EPHB2: variants seen among roughly 807,000 people sequenced by gnomAD.
EPHB2 encodes the protein ephrin type-B receptor 2.
A neutral mutation model predicts 96.4 loss-of-function variants in EPHB2; 18 were observed. The ratio of observed to expected loss-of-function variants is 0.19; its 90% CI spans 0.13 to 0.28. The LOEUF is 0.28. EPHB2 is among the 10% of genes least tolerant of loss of function. The probability of loss-of-function intolerance (pLI) is 1.00; values close to 1 mark genes in which losing one functional copy is unlikely to be tolerated. For missense variants in EPHB2, 989 were observed against 1,355.4 expected, an observed-to-expected ratio of 0.73 and a Z score of 4.25; for synonymous variants, 506 against 534.1, an observed-to-expected ratio of 0.95 and a Z score of 0.72.
intron 7 of EPHB2, among the ~76,000 whole-genome samples, chr1:22,893,757 C>G (rs751502800): frequency 6.6e-6 from 1 of 152,232 alleles, no homozygotes; most frequent in Non-Finnish European, 1.5e-5. Context: ...TTATCACTAT[C>G]ATTATCAAAC....
intron 1 of EPHB2, among the ~76,000 whole-genome samples, chr1:22,716,039 C>A (rs1643286687): frequency 6.6e-6 from 1 of 152,292 alleles, no homozygotes; most frequent in Non-Finnish European, 1.5e-5. Flanking sequence ...TTCAGTGTCT[C>A]CCCTAACCCA....
At position 22,919,327 on chromosome 1, in the gene EPHB2, A is replaced by G. The variant is rs1282509628; in HGVS notation, c.*5757A>G. 1 of 152,272 alleles carries G rather than the reference A, an allele frequency of 6.6e-6. No homozygotes were observed. The allele number at this position is 152,272 out of a possible 1,614,324, so 9.4% of individuals were successfully genotyped here. A position where few individuals can be genotyped will look rare whatever the true frequency, so the allele number is the denominator to read the frequency against. ...AGCTGACCCTCAGGAATGTGCCCAG[A>G]CAGAGCTAAGCTTTCAGGAAAATTA... On this transcript the variant is annotated 3_prime_UTR_variant, in exon 16 of 16. Transcript: ENST00000374630.
Position 22,919,297 on chromosome 1 carries a change from G to A in EPHB2, c.*5727G>A, listed in dbSNP as rs1341325558. 1 of 152,260 alleles carries A rather than the reference G, an allele frequency of 6.6e-6. No homozygotes were observed. The highest frequency in any genetic ancestry group is 1.5e-5 in the Non-Finnish European group (1 of 68,084). 9.4% of individuals were successfully genotyped at this position (152,260 alleles called of 1,614,324 possible). On this transcript the variant is annotated 3_prime_UTR_variant, in exon 16 of 16. Transcript: ENST00000374630. The stretch of plus-strand genomic sequence containing the variant: ...GCAGATTAGGACCCATGAAGTAGGG[G>A]GTAGAGCTGACCCTCAGGAATGTGC...
intron 1 of EPHB2, among the ~76,000 whole-genome samples, chr1:22,759,980 T>C (rs974722664): frequency 1.3e-5 from 2 of 152,130 alleles, no homozygotes; most frequent in African/African-American, 4.8e-5. Context: ...TCGCTGCCTG[T>C]CAACCTGAGG....
chr1:22,862,930 A>G (rs1638316897), intron 3 of EPHB2, 107 bp from the exon 4 acceptor site: 3 of 1,417,426 alleles, frequency 2.1e-6, no homozygotes, highest in African/African-American at 2.8e-5. Context: ...GTGGTGCTGC[A>G]TGGCCCCTCC....
chr1:22,840,072 GATGGATGGATGGATGGATGA>G (rs1274793348), intron 3 of EPHB2, among the ~76,000 whole-genome samples: 3 of 152,106 alleles, frequency 2.0e-5, no homozygotes, highest in Non-Finnish European at 2.9e-5. Context: ...CGGATATGTG[GATGGATGGATGGATGGATGA>G]ATGGATGGAT....
At chr1:22,722,160 A>ATT (rs60822303) in intron 1 of EPHB2, among the ~76,000 whole-genome samples, 2,029 of 149,630 alleles carry the variant, frequency 0.014, 41 homozygotes, top group African/African-American at 0.047. Context: ...CATGCCCAGC[A>ATT]TTTTTTTTTT....
chr1:22,779,333 C>T lies in EPHB2; in HGVS notation c.62-2088C>T, dbSNP rs552275777. 9.2e-5 allele frequency among the ~76,000 whole-genome samples: 14 copies of T among 152,328 alleles called. No homozygotes were observed. The East Asian group carries it at 2.7e-3, about 29-fold the overall frequency. On this transcript the variant is annotated intron_variant, in intron 1 of 15. Coordinates refer to ENST00000374630, the MANE Select transcript of EPHB2 (RefSeq NM_017449.5). ...CACACCCCCTCCCTGTGCCAGCCCCCAGTGCAAAGGGACACAGTGACCACA... is the reference window on the plus strand; with the variant it reads ...CACACCCCCTCCCTGTGCCAGCCCCTAGTGCAAAGGGACACAGTGACCACA...
rs1293288017 is a variant in EPHB2 at position 22,846,156 on chromosome 1, C to T, written c.812-16881C>T. The stretch of plus-strand genomic sequence containing the variant: ...GGGCGTGGCCAGGTGCGGTGGTTCA[C>T]ACCTGTAATCCTAGCAATTTGGGAG... On this transcript the variant is annotated intron_variant, in intron 3 of 15. Coordinates refer to ENST00000374630, the MANE Select transcript of EPHB2 (RefSeq NM_017449.5). This position sits in a 1 kb window ranked among gnomAD's most constrained non-coding sequence, Gnocchi z 4.3. Among the ~76,000 whole-genome samples, 1 of 152,176 alleles carries T rather than the reference C, an allele frequency of 6.6e-6. No individual in the cohort carries two copies. The highest frequency in any genetic ancestry group is 1.5e-5 in the Non-Finnish European group (1 of 68,040).
intron 14 of EPHB2, among the ~76,000 whole-genome samples, chr1:22,911,064 C>G (rs1294432853): frequency 2.6e-5 from 4 of 151,912 alleles, no homozygotes; most frequent in Non-Finnish European, 5.9e-5. Context: ...CGCTTGAACC[C>G]AGGAGGCAGA....
At position 22,863,097 on chromosome 1, in the gene EPHB2, T is replaced by C; in HGVS notation, c.872T>C (p.Ile291Thr). The C allele has an allele frequency of 6.2e-7, 1 of 1,614,150 alleles. No individual in the cohort carries two copies. Among genetic ancestry groups the C allele is most frequent in the Non-Finnish European group, 8.5e-7 (1 of 1,180,026 alleles). ...GATGAGGCCTGTACCCACTGTCCCA[T>C]CAACAGCCGGACCACTTCTGAAGGG... is the stretch of plus-strand genomic sequence containing the variant. ...QGDEACTHCP[I>T]NSRTTSEGAT... is the part of the protein sequence containing the mutation. The change falls in exon 4 of 16, where the codon ATC becomes ACC. Residue 291 changes from isoleucine (I) to threonine (T), a missense_variant. Transcript: ENST00000374630.
chr1:22,864,851 T>C, intron 4 of EPHB2, 26 bp from the exon 5 acceptor site: 1 of 1,457,448 alleles, frequency 6.9e-7, no homozygotes, highest in Non-Finnish European at 9.5e-7. Context: ...AGCCCCCCAC[T>C]GACCAACACC....
At chr1:22,817,587 C>T (rs1645093167) in intron 3 of EPHB2, among the ~76,000 whole-genome samples, 1 of 152,236 alleles carries the variant, frequency 6.6e-6, no homozygotes, top group Non-Finnish European at 1.5e-5. Context: ...TCTTCAGTGC[C>T]TGAGCTTCTT....
intron 1 of EPHB2, among the ~76,000 whole-genome samples, chr1:22,753,800 T>C (rs1468211044): frequency 6.6e-6 from 1 of 151,374 alleles, no homozygotes. Context: ...ATCATCCCAG[T>C]ATTTATCTAA....
chr1:22,840,617 C>T (rs1040298903), intron 3 of EPHB2, among the ~76,000 whole-genome samples: 7 of 152,106 alleles, frequency 4.6e-5, no homozygotes, highest in East Asian at 1.9e-4. Context: ...CACACAACCA[C>T]GCCTGGCTAA....
intron 1 of EPHB2, among the ~76,000 whole-genome samples, chr1:22,751,089 G>A (rs1335261019): frequency 6.6e-6 from 1 of 152,238 alleles, no homozygotes; most frequent in Non-Finnish European, 1.5e-5. Context: ...TCAAGTGGTT[G>A]TGTGGAAATA....
At chr1:22,828,555 G>A (rs1001605287) in intron 3 of EPHB2, among the ~76,000 whole-genome samples, 5 of 152,034 alleles carry the variant, frequency 3.3e-5, no homozygotes, top group Non-Finnish European at 4.4e-5. Flanking sequence ...CTGATAGAAC[G>A]GTCAAGCAGC....
intron 2 of EPHB2, among the ~76,000 whole-genome samples, chr1:22,783,512 T>G (rs1481758534): frequency 1.3e-5 from 2 of 151,922 alleles, no homozygotes; most frequent in African/African-American, 2.4e-5. Context: ...CTCGGGAAAG[T>G]TGGTGAATGC....
chr1:22,754,248 G>A (rs150592847), intron 1 of EPHB2, among the ~76,000 whole-genome samples: 2 of 152,142 alleles, frequency 1.3e-5, no homozygotes, highest in African/African-American at 2.4e-5. Flanking sequence ...CCGTCTTGTG[G>A]TTCCCAGCTG....
Sources: allele counts gnomAD v4.1 joint callset (sites outside exome capture counted in the v4.1 genomes callset), GRCh38; gene constraint gnomAD v4.1.1; non-coding constraint Gnocchi (gnomAD v3.1); transcripts MANE v1.5; gene names NCBI Gene and HGNC (gene_info 2026-07-23, HGNC 2026-07-21).